Variants in TAB2 observed in about 807,000 individuals in gnomAD.
TAB2 encodes the protein TGF-beta-activated kinase 1 and MAP3K7-binding protein 2.
TAB2 carries 3 observed loss-of-function variants against 65.0 expected under a neutral mutation model. That is an observed-to-expected ratio of 0.05 (90% CI 0.02 to 0.12). TAB2 has a LOEUF of 0.12. TAB2 is among the 10% of genes least tolerant of loss of function. The pLI is 1.00. For missense variants in TAB2, 623 were observed against 840.3 expected (o/e 0.74, Z 3.20); for synonymous variants, 298 against 285.1 (o/e 1.05, Z -0.46).
chr6:149,350,250 G>A (rs542583772), intron 1 of TAB2, among the ~76,000 whole-genome samples: 1 of 152,076 alleles, frequency 6.6e-6, no homozygotes, highest in Admixed American at 6.6e-5. Context: ...TATTTCTCAC[G>A]TGAAGAATTT....
intron 1 of TAB2, among the ~76,000 whole-genome samples, chr6:149,332,863 G>A (rs934377020): frequency 2.0e-5 from 3 of 152,176 alleles, no homozygotes; most frequent in African/African-American, 7.2e-5. Context: ...CTGTGATCAT[G>A]TGTACTTTAA....
intron 1 of TAB2, among the ~76,000 whole-genome samples, chr6:149,306,942 G>A (rs1213839026): frequency 3.3e-5 from 5 of 152,154 alleles, no homozygotes; most frequent in Non-Finnish European, 7.4e-5. Context: ...TTTAACCTGT[G>A]TTTCAAAATG....
intron 1 of TAB2, among the ~76,000 whole-genome samples, chr6:149,237,660 G>C (rs1396567578): frequency 6.6e-6 from 1 of 152,106 alleles, no homozygotes; most frequent in African/African-American, 2.4e-5. Flanking sequence ...TCAGTGGCTG[G>C]CAGCTACTAC....
At chr6:149,306,073 T>C (rs1027681583) in intron 1 of TAB2, among the ~76,000 whole-genome samples, 2 of 152,166 alleles carry the variant, frequency 1.3e-5, no homozygotes, top group African/African-American at 4.8e-5. Context: ...TGGGCTGTTA[T>C]ACAGGGCTAT....
At chr6:149,379,848 TA>T in intron 3 of TAB2, 1 of 453,082 alleles carries the variant, frequency 2.2e-6, no homozygotes, top group Middle Eastern at 3.3e-4. Flanking sequence ...AAATTTTCTG[TA>T]AATAAAAATT....
At chr6:149,383,878 T>C (rs1216301930) in intron 3 of TAB2, among the ~76,000 whole-genome samples, 3 of 152,100 alleles carry the variant, frequency 2.0e-5, no homozygotes, top group Non-Finnish European at 2.9e-5. Context: ...CCACCGCACC[T>C]AGCTCAGTGA....
chr6:149,362,541 G>A (rs1265677163), intron 1 of TAB2, among the ~76,000 whole-genome samples: 1 of 152,072 alleles, frequency 6.6e-6, no homozygotes, highest in Non-Finnish European at 1.5e-5. Context: ...CTCCAACACT[G>A]GGGATCACAG....
chr6:149,380,841 A>C (rs1200102574), intron 3 of TAB2, among the ~76,000 whole-genome samples: 1 of 152,176 alleles, frequency 6.6e-6, no homozygotes, highest in Non-Finnish European at 1.5e-5. Flanking sequence ...TGAGTCTCTT[A>C]GGGGGTCCTA....
chr6:149,365,094 G>A (rs1160436685), intron 1 of TAB2, among the ~76,000 whole-genome samples: 1 of 152,082 alleles, frequency 6.6e-6, no homozygotes, highest in Non-Finnish European at 1.5e-5. Context: ...TTAGCTGGTG[G>A]AAGTTTAGAT....
intron 1 of TAB2, among the ~76,000 whole-genome samples, chr6:149,273,561 A>T (rs73603555): frequency 0.019 from 2,953 of 152,312 alleles, 97 homozygotes; most frequent in African/African-American, 0.066. Flanking sequence ...AGACTTTCCA[A>T]AAAGGGAACT....
intron 1 of TAB2, among the ~76,000 whole-genome samples, chr6:149,342,313 C>G (rs1218576918): frequency 6.6e-6 from 1 of 152,098 alleles, no homozygotes; most frequent in Non-Finnish European, 1.5e-5. Context: ...GAAAAATGAC[C>G]TGAAAATGAG....
At chr6:149,365,264 T>G (rs1019434890) in intron 1 of TAB2, among the ~76,000 whole-genome samples, 1 of 152,188 alleles carries the variant, frequency 6.6e-6, no homozygotes, top group Non-Finnish European at 1.5e-5. Context: ...TATTTCTTGG[T>G]TTTTGTTTTG....
At chr6:149,360,080 T>C (rs2114831031) in intron 1 of TAB2, among the ~76,000 whole-genome samples, 1 of 152,358 alleles carries the variant, frequency 6.6e-6, no homozygotes, top group Admixed American at 6.5e-5. Flanking sequence ...CCTAATCTTT[T>C]ATTCAAAATT....
intron 1 of TAB2, among the ~76,000 whole-genome samples, chr6:149,318,279 G>T (rs1006187901): frequency 6.6e-6 from 1 of 151,124 alleles, no homozygotes; most frequent in African/African-American, 2.4e-5. Flanking sequence ...CGTGCGGGGG[G>T]GGAGGGGGAG....
At chr6:149,374,824 G>A (rs1364670359) in intron 2 of TAB2, among the ~76,000 whole-genome samples, 1 of 152,166 alleles carries the variant, frequency 6.6e-6, no homozygotes, top group East Asian at 1.9e-4. Context: ...ACCACGGGGT[G>A]CAGTCCAGAA....
chr6:149,318,207 C>T (rs1779316806), intron 1 of TAB2, among the ~76,000 whole-genome samples, 192 bp downstream of exon 1: 1 of 151,978 alleles, frequency 6.6e-6, no homozygotes, highest in Non-Finnish European at 1.5e-5. Flanking sequence ...AGGGAGGCCC[C>T]CCGAGTCCCC....
At chr6:149,269,362 A>G (rs575339831) in intron 1 of TAB2, among the ~76,000 whole-genome samples, 1 of 152,318 alleles carries the variant, frequency 6.6e-6, no homozygotes, top group Non-Finnish European at 1.5e-5. Context: ...TATGTGATAG[A>G]TACCATTTTT....
At chr6:149,221,215 G>A (rs567296609) in intron 1 of TAB2, 2 of 152,266 alleles carry the variant, frequency 1.3e-5, no homozygotes, top group East Asian at 1.9e-4. Flanking sequence ...GGTGCTTTAT[G>A]TATGAGTATT....
Position 149,409,859 on chromosome 6 carries a change from T to A in TAB2, c.*140T>A, listed in dbSNP as rs1782789170. 1 of 955,588 alleles carries A rather than the reference T, an allele frequency of 1.0e-6. No individual in the cohort carries two copies. The highest frequency in any genetic ancestry group is 1.6e-6 in the Non-Finnish European group (1 of 608,708). The allele number at this position is 955,588 out of a possible 1,614,324, so 59.2% of individuals were successfully genotyped here. A position where few individuals can be genotyped will look rare whatever the true frequency, so the allele number is the denominator to read the frequency against. Reference sequence around the variant, plus strand: ...GATGGTGTTCTGCTAATGTTAAATGTCAGCCCACAGAGCTAATAATACCTC... The same window carrying A: ...GATGGTGTTCTGCTAATGTTAAATGACAGCCCACAGAGCTAATAATACCTC... On this transcript the variant is annotated 3_prime_UTR_variant, in exon 7 of 7. Transcript: ENST00000637181.
Sources: allele counts gnomAD v4.1 joint callset (sites outside exome capture counted in the v4.1 genomes callset), GRCh38; gene constraint gnomAD v4.1.1; transcripts MANE v1.5; gene names NCBI Gene and HGNC (gene_info 2026-07-23, HGNC 2026-07-21).